Variants in COL4A4 observed in about 807,000 individuals in gnomAD.
COL4A4 encodes the protein collagen alpha-4(IV) chain.
COL4A4 carries 105 observed loss-of-function variants against 192.9 expected under a neutral mutation model. That is an observed-to-expected ratio of 0.54 (90% CI 0.46 to 0.64). The LOEUF (loss-of-function observed/expected upper bound fraction) is 0.64. Ranked by LOEUF, COL4A4 falls within the 30% of genes least tolerant of loss-of-function variation. COL4A4 has a pLI of 0.00. For missense variants in COL4A4, 1,967 were observed against 2,169.3 expected, an observed-to-expected ratio of 0.91 and a Z score of 1.85; for synonymous variants, 762 against 769.9, an observed-to-expected ratio of 0.99 and a Z score of 0.17.
At chr2:227,141,191 G>A (rs931367518) in intron 3 of COL4A4, among the ~76,000 whole-genome samples, 3 of 152,170 alleles carry the variant, frequency 2.0e-5, no homozygotes, top group African/African-American at 4.8e-5. Flanking sequence ...GCATGGATAA[G>A]AATATCAAGA....
chr2:227,054,474 C>G, intron 31 of COL4A4, 120 bp downstream of exon 31: 2 of 1,128,376 alleles, frequency 1.8e-6, no homozygotes, highest in South Asian at 1.3e-5. Flanking sequence ...TACCATAGAA[C>G]TAAAAGGAGG....
In COL4A4 at chr2:227,078,285, C is replaced by A. The variant is rs184016030; in HGVS notation, c.1804-208G>T. ...AGAAATGGAGTCTCTCTCTGTCACC[C>A]AGGCTGGTGTGCAGTGGTGCTATCT... On this transcript the variant is annotated intron_variant, in intron 24 of 47. Transcript: ENST00000396625. Among the ~76,000 whole-genome samples, 411 of 152,278 alleles carry A rather than the reference C, an allele frequency of 2.7e-3. 3 individuals are homozygous for A. The highest frequency in any genetic ancestry group is 4.5e-3 in the Non-Finnish European group (307 of 68,030).
At chr2:227,152,169 G>T (rs1313303817) in intron 1 of COL4A4, among the ~76,000 whole-genome samples, 1 of 152,194 alleles carries the variant, frequency 6.6e-6, no homozygotes, top group African/African-American at 2.4e-5. Flanking sequence ...CCCCCAGACA[G>T]TTCTTACACC....
chr2:227,074,528 C>T (rs998933552), intron 25 of COL4A4, among the ~76,000 whole-genome samples: 1 of 152,016 alleles, frequency 6.6e-6, no homozygotes, highest in Admixed American at 6.6e-5. Context: ...ATCCACCATG[C>T]GACCCAGCAA....
At chr2:227,124,016 T>C (rs765670134) in intron 4 of COL4A4, among the ~76,000 whole-genome samples, 5 of 152,172 alleles carry the variant, frequency 3.3e-5, no homozygotes, top group Non-Finnish European at 5.9e-5. Flanking sequence ...TAATGGTGTT[T>C]AGCATAGTGC....
intron 22 of COL4A4, among the ~76,000 whole-genome samples, chr2:227,083,834 A>G (rs1480826399): frequency 2.0e-5 from 3 of 152,134 alleles, no homozygotes; most frequent in Non-Finnish European, 4.4e-5. Flanking sequence ...ATAAGCTGAG[A>G]GCTATAGAGG....
At chr2:227,094,334 A>G in intron 19 of COL4A4, 45 bp from the exon 20 acceptor site, 1 of 1,584,398 alleles carries the variant, frequency 6.3e-7, no homozygotes, top group South Asian at 1.1e-5. Context: ...CTCTCAGAGT[A>G]AACGTCTCTG....
At chr2:227,032,418 A>C (rs544925239) in intron 38 of COL4A4, 142 bp from the exon 39 acceptor site, 2 of 875,344 alleles carry the variant, frequency 2.3e-6, no homozygotes, top group South Asian at 3.0e-5. Flanking sequence ...TGGTGATCCA[A>C]ATGTCTGCAC....
intron 26 of COL4A4, 131 bp from the exon 27 acceptor site, chr2:227,060,374 C>A: frequency 3.0e-6 from 2 of 668,122 alleles, no homozygotes; most frequent in Admixed American, 3.0e-5. Flanking sequence ...AAGGATGTTG[C>A]CTATCCCGAT....
chr2:227,013,202 T>C lies in COL4A4; in HGVS notation c.4217-905A>G, dbSNP rs57364836. ...TGTCTTTGAGGGAGTTTATTGCTATTATACCTAATTTCCTGAATTACTAGC... is the reference window on the plus strand; with the variant it reads ...TGTCTTTGAGGGAGTTTATTGCTATCATACCTAATTTCCTGAATTACTAGC... On this transcript the variant is annotated intron_variant, in intron 44 of 47. Coordinates refer to ENST00000396625, the MANE Select transcript of COL4A4 (RefSeq NM_000092.5). Among the ~76,000 whole-genome samples, 787 of 152,278 alleles carry C rather than the reference T, an allele frequency of 5.2e-3. 26 individuals carry two copies. In the East Asian group the frequency reaches 0.073, roughly 14 times the overall value.
intron 43 of COL4A4, 110 bp downstream of exon 43, chr2:227,025,692 T>C: frequency 1.0e-6 from 1 of 973,910 alleles, no homozygotes; most frequent in Non-Finnish European, 1.6e-6. Context: ...GCACCCCATC[T>C]ATAAAAATGT....
In COL4A4 at chr2:227,041,805, G is replaced by GAAGAAAGAAAGAAAGA. The variant is rs202002799; in HGVS notation, c.3505+327_3505+342dup. ...AAGGAAGGGAAAGAAAGAAAGAAAG[G>GAAGAAAGAAAGAAAGA]AAGAAAGAAAGAAAGAAAGAAAGAA... is the stretch of plus-strand genomic sequence containing the variant. On this transcript the variant is annotated intron_variant, in intron 37 of 47. Coordinates refer to ENST00000396625, the MANE Select transcript of COL4A4 (RefSeq NM_000092.5). Among the ~76,000 whole-genome samples the GAAGAAAGAAAGAAAGA allele has an allele frequency of 1.0e-4, 4 of 39,362 alleles. 1 individual carries two copies. The highest frequency in any genetic ancestry group is 5.9e-4 in the Admixed American group (2 of 3,368). The allele number at this position is 39,362 out of a possible 152,430, so 25.8% of individuals were successfully genotyped here. A position where few individuals can be genotyped will look rare whatever the true frequency, so the allele number is the denominator to read the frequency against.
Position 227,007,879 on chromosome 2 carries a change from T to C in COL4A4, c.4809+139A>G, listed in dbSNP as rs1962512689. On this transcript the variant is annotated intron_variant, in intron 47 of 47. Transcript: ENST00000396625. ...ATAATGGCCCTGCATCCCAACAGGC[T>C]ATGGTTTGCAACAGTCCCCGTAACC... 5.6e-6 allele frequency: 6 copies of C among 1,062,842 alleles called. No individual in the cohort carries two copies. In the Admixed American group the frequency reaches 1.2e-4, roughly 22 times the overall value. The allele number at this position is 1,062,842 out of a possible 1,614,324, so 65.8% of individuals were successfully genotyped here. A position where few individuals can be genotyped will look rare whatever the true frequency, so the allele number is the denominator to read the frequency against.
chr2:226,997,523 A>G, the COL4A4 span: 1 of 152,044 alleles, frequency 6.6e-6, no homozygotes, highest in Non-Finnish European at 1.5e-5. Context: ...CCCCTTTCCA[A>G]CCCCAAAGGC....
At chr2:227,094,072 C>T in intron 20 of COL4A4, 53 bp downstream of exon 20, 1 of 1,514,642 alleles carries the variant, frequency 6.6e-7, no homozygotes, top group Non-Finnish European at 9.1e-7. Flanking sequence ...AGTGGCACTG[C>T]AAATATCAAA....
intron 4 of COL4A4, among the ~76,000 whole-genome samples, chr2:227,134,813 G>A (rs1020888165): frequency 1.8e-4 from 27 of 152,258 alleles, no homozygotes; most frequent in African/African-American, 6.0e-4. Context: ...TGACATTTAC[G>A]TCATTTGACC....
intron 5 of COL4A4, 111 bp downstream of exon 5, chr2:227,120,903 C>T (rs2061742064): frequency 7.1e-7 from 1 of 1,411,128 alleles, no homozygotes; most frequent in Non-Finnish European, 9.9e-7. Flanking sequence ...CCCACCACTG[C>T]ATTCTAGCCT....
At chr2:227,079,001 C>T (rs1033226820) in intron 24 of COL4A4, among the ~76,000 whole-genome samples, 1 of 152,194 alleles carries the variant, frequency 6.6e-6, no homozygotes, top group Non-Finnish European at 1.5e-5. Context: ...ACTGGCAATC[C>T]CTGGTGGGGT....
intron 22 of COL4A4, among the ~76,000 whole-genome samples, chr2:227,085,337 A>G (rs1306294135): frequency 6.6e-6 from 1 of 152,172 alleles, no homozygotes; most frequent in Non-Finnish European, 1.5e-5. Flanking sequence ...TTGTGTTCAT[A>G]AACTTCTAAT....
Sources: allele counts gnomAD v4.1 joint callset (sites outside exome capture counted in the v4.1 genomes callset), GRCh38; gene constraint gnomAD v4.1.1; transcripts MANE v1.5; gene names NCBI Gene and HGNC (gene_info 2026-07-23, HGNC 2026-07-21).